Variants in PTPN3 observed in about 807,000 individuals in gnomAD.
The protein encoded by PTPN3 is protein tyrosine phosphatase non-receptor type 3.
PTPN3 carries 96 observed loss-of-function variants against 132.7 expected under a neutral mutation model. That is an observed-to-expected ratio of 0.72 (90% CI 0.61 to 0.86). The LOEUF (loss-of-function observed/expected upper bound fraction) is 0.86. Ranked by LOEUF, PTPN3 falls within the 40% of genes least tolerant of loss-of-function variation. The pLI is 0.00. For missense variants in PTPN3, 1,125 were observed against 1,159.6 expected (o/e 0.97, Z 0.43); for synonymous variants, 398 against 429.0 (o/e 0.93, Z 0.89).
intron 1 of PTPN3, among the ~76,000 whole-genome samples, chr9:109,474,749 G>C (rs900074282): frequency 3.3e-5 from 5 of 152,076 alleles, no homozygotes; most frequent in African/African-American, 1.2e-4. Flanking sequence ...AAATCCAAGG[G>C]GCTGTCACAC....
intron 6 of PTPN3, 45 bp downstream of exon 6, chr9:109,448,766 T>C (rs1438521974): frequency 1.3e-6 from 2 of 1,532,524 alleles, no homozygotes; most frequent in South Asian, 1.2e-5. Flanking sequence ...AAACCAGGAA[T>C]TTTGCTAGTC....
At chr9:109,466,746 C>T (rs1846118606) in intron 1 of PTPN3, among the ~76,000 whole-genome samples, 2 of 152,124 alleles carry the variant, frequency 1.3e-5, no homozygotes, top group South Asian at 4.1e-4. Flanking sequence ...CAGGGCATGG[C>T]TAGAGAAAAG....
intron 25 of PTPN3, among the ~76,000 whole-genome samples, chr9:109,380,370 C>T (rs569458218): frequency 4.8e-4 from 73 of 152,262 alleles, no homozygotes; most frequent in African/African-American, 1.6e-3. Flanking sequence ...ATTCTCCTGC[C>T]TCAGCCTCCC....
At chr9:109,391,818 G>A (rs1000501525) in intron 19 of PTPN3, among the ~76,000 whole-genome samples, 1 of 119,458 alleles carries the variant, frequency 8.4e-6, no homozygotes, top group African/African-American at 3.2e-5. Context: ...CATGGTAAGT[G>A]AAACCTTGTC....
At chr9:109,402,426 C>T (rs910025493) in intron 19 of PTPN3, among the ~76,000 whole-genome samples, 1 of 151,978 alleles carries the variant, frequency 6.6e-6, no homozygotes, top group African/African-American at 2.4e-5. Context: ...TTACAGGTGC[C>T]TGCCACCCCG....
chr9:109,433,118 C>A lies in PTPN3; in HGVS notation c.719G>T (p.Gly240Val). Residue 240 changes from glycine to valine, a missense_variant, in exon 10 of 26, where the codon GGT (glycine) becomes GTT (valine). Coordinates refer to ENST00000374541, the MANE Select transcript of PTPN3 (RefSeq NM_002829.4). ...AATGTATTTTCGGTACACAGCAACA[C>A]CCGCGGAAGCAATTCCAATCATTAG... ...LDLMIGIASA[G>V]VAVYRKYICT... The A allele has an allele frequency of 1.2e-6, 2 of 1,614,116 alleles. No individual in the cohort carries two copies. The highest frequency in any genetic ancestry group is 1.7e-6 in the Non-Finnish European group (2 of 1,180,012).
At chr9:109,460,694 C>T (rs766245357) in intron 2 of PTPN3, among the ~76,000 whole-genome samples, 15 of 152,162 alleles carry the variant, frequency 9.9e-5, no homozygotes, top group Non-Finnish European at 1.6e-4. Context: ...TCTCTGGTTA[C>T]GTCTATACAA....
At chr9:109,429,715 C>T (rs62576421) in intron 10 of PTPN3, among the ~76,000 whole-genome samples, 2,052 of 152,258 alleles carry the variant, frequency 0.013, 18 homozygotes, top group Middle Eastern at 0.02. Flanking sequence ...GTGTAGATTT[C>T]GGTAACTACA....
the PTPN3 span, chr9:109,534,474 T>G: frequency 8.9e-7 from 1 of 1,128,420 alleles, no homozygotes; most frequent in Non-Finnish European, 1.2e-6. Context: ...ATCGAACTCT[T>G]GGCTCTTAAA....
chr9:109,528,780 TCTC>T, the PTPN3 span, among the ~76,000 whole-genome samples: 3 of 152,098 alleles, frequency 2.0e-5, no homozygotes, highest in Admixed American at 6.6e-5. Context: ...TCCTTTTCCT[TCTC>T]CTCCTCCTCC....
intron 19 of PTPN3, among the ~76,000 whole-genome samples, chr9:109,392,076 A>G (rs1840170526): frequency 6.6e-6 from 1 of 152,208 alleles, no homozygotes; most frequent in Non-Finnish European, 1.5e-5. Context: ...GTACTTCCCT[A>G]CACATGTAAT....
At chr9:109,434,932 A>G (rs1843927118) in intron 9 of PTPN3, among the ~76,000 whole-genome samples, 1 of 152,192 alleles carries the variant, frequency 6.6e-6, no homozygotes, top group South Asian at 2.1e-4. Context: ...AAACGGGACA[A>G]ACAAAACAGT....
At chr9:109,478,698 G>A (rs1432063419) in intron 1 of PTPN3, among the ~76,000 whole-genome samples, 1 of 152,188 alleles carries the variant, frequency 6.6e-6, no homozygotes, top group Non-Finnish European at 1.5e-5. Flanking sequence ...ACTGTGTTCT[G>A]TCTTTTCTAC....
At chr9:109,526,181 G>C in the PTPN3 span, among the ~76,000 whole-genome samples, 1 of 152,042 alleles carries the variant, frequency 6.6e-6, no homozygotes, top group African/African-American at 2.4e-5. Context: ...CCAGTACACT[G>C]ACAACCATAA....
At chr9:109,528,266 C>T in the PTPN3 span, among the ~76,000 whole-genome samples, 1 of 152,070 alleles carries the variant, frequency 6.6e-6, no homozygotes, top group East Asian at 1.9e-4. Context: ...TAATGTTCAG[C>T]AAAAGACATG....
chr9:109,512,497 A>C, the PTPN3 span, among the ~76,000 whole-genome samples: 3 of 152,324 alleles, frequency 2.0e-5, no homozygotes, highest in South Asian at 6.2e-4. Context: ...TTACGTCAAG[A>C]AATGTTTGTT....
At chr9:109,421,743 C>T (rs1240844403) in intron 13 of PTPN3, among the ~76,000 whole-genome samples, 3 of 152,268 alleles carry the variant, frequency 2.0e-5, no homozygotes, top group Admixed American at 6.5e-5. Context: ...TAAATACTAT[C>T]ACTGTCCCTT....
intron 25 of PTPN3, 67 bp downstream of exon 25, chr9:109,381,585 T>C (rs1292368100): frequency 6.3e-7 from 1 of 1,580,802 alleles, no homozygotes; most frequent in Non-Finnish European, 8.7e-7. Context: ...AAAGCCCTTC[T>C]CTCAGGCCTG....
At chr9:109,437,737 G>A (rs1379570371) in intron 8 of PTPN3, among the ~76,000 whole-genome samples, 1 of 146,888 alleles carries the variant, frequency 6.8e-6, no homozygotes, top group East Asian at 1.9e-4. Flanking sequence ...CTGTCTGTCT[G>A]TTTAACAAGA....
Sources: allele counts gnomAD v4.1 joint callset (sites outside exome capture counted in the v4.1 genomes callset), GRCh38; gene constraint gnomAD v4.1.1; transcripts MANE v1.5; gene names NCBI Gene and HGNC (gene_info 2026-07-23, HGNC 2026-07-21).